Variants in TSPAN33 observed in about 807,000 individuals in gnomAD.
TSPAN33 encodes the protein tetraspanin-33.
TSPAN33 carries 27 observed loss-of-function variants against 34.8 expected under a neutral mutation model. The ratio of observed to expected loss-of-function variants is 0.78; its 90% CI spans 0.57 to 1.07. The LOEUF is 1.07. Among genes scored for constraint, TSPAN33 ranks in the 50% least tolerant of loss-of-function variants. TSPAN33 has a pLI of 0.00. For missense variants in TSPAN33, 272 were observed against 324.9 expected, an observed-to-expected ratio of 0.84 and a Z score of 1.25; for synonymous variants, 119 against 124.2, an observed-to-expected ratio of 0.96 and a Z score of 0.28.
rs183522569 is a variant in TSPAN33 at position 129,152,047 on chromosome 7, G to A, written c.102+6965G>A. Among the ~76,000 whole-genome samples the A allele has an allele frequency of 7.9e-5, 12 of 152,212 alleles. No individual in the cohort carries two copies. The East Asian group carries it at 2.1e-3, about 27-fold the overall frequency. On this transcript the variant is annotated intron_variant, in intron 1 of 7. Coordinates refer to ENST00000486685, the MANE Select transcript of TSPAN33 (RefSeq NM_178562.5). Reference sequence around the variant, plus strand: ...GGGACATTCTGCAAAACAATTGGCCGGAACATGAAAAATGTCAGTGTCCAA... The same window carrying A: ...GGGACATTCTGCAAAACAATTGGCCAGAACATGAAAAATGTCAGTGTCCAA...
chr7:129,155,402 A>G (rs1456497600), intron 1 of TSPAN33, among the ~76,000 whole-genome samples: 1 of 152,272 alleles, frequency 6.6e-6, no homozygotes, highest in African/African-American at 2.4e-5. Context: ...AAAGGCTTCT[A>G]ACACAAATGA....
intron 1 of TSPAN33, among the ~76,000 whole-genome samples, chr7:129,146,767 C>A (rs1187964493): frequency 6.6e-6 from 1 of 152,146 alleles, no homozygotes; most frequent in Non-Finnish European, 1.5e-5. Context: ...GTGTGCCAGG[C>A]CAGTGACGTG....
Position 129,162,875 on chromosome 7 carries a change from G to A in TSPAN33, c.331G>A (p.Ala111Thr), listed in dbSNP as rs112480251. 1.5e-4 allele frequency: 243 copies of A among 1,613,886 alleles called. No homozygotes were observed. The highest frequency in any genetic ancestry group is 6.4e-4 in the African/African-American group (48 of 75,044). Residue 111 changes from alanine (A) to threonine (T), a missense_variant, in exon 4 of 8, where the codon GCT (alanine) becomes ACT (threonine). Transcript: ENST00000486685. ...CGCTGTGTTCCTGCTGCAGCTGGCC[G>A]CTGGGATCCTGGGCTTCGTCTTCTC... Reference protein sequence around the residue: ...LTAVFLLQLAAGILGFVFSDK... With the variant: ...LTAVFLLQLATGILGFVFSDK...
At chr7:129,147,089 C>T (rs573206687) in intron 1 of TSPAN33, among the ~76,000 whole-genome samples, 27 of 152,110 alleles carry the variant, frequency 1.8e-4, no homozygotes, top group African/African-American at 6.3e-4. Context: ...GGTCAGAAGA[C>T]GTGGGTGGCC....
At position 129,167,386 on chromosome 7, in the gene TSPAN33, A is replaced by T. The variant is rs1350359414; in HGVS notation, c.589-13A>T. ...AATTACAGTCCCAATTGGCTTTTCAACTCTTTCCCCAGGCAGTGATCAACA... is the reference window on the plus strand; with the variant it reads ...AATTACAGTCCCAATTGGCTTTTCATCTCTTTCCCCAGGCAGTGATCAACA... On this transcript the variant is annotated splice_polypyrimidine_tract_variant and intron_variant, in intron 6 of 7. Transcript: ENST00000486685. The surrounding 1 kb of genome is among the most constrained non-coding windows in gnomAD (Gnocchi z 4.6). 2.5e-6 allele frequency: 4 copies of T among 1,602,610 alleles called. No individual in the cohort carries two copies. The South Asian group carries it at 4.4e-5, about 18-fold the overall frequency.
chr7:129,151,685 C>G (rs1435299593), intron 1 of TSPAN33, among the ~76,000 whole-genome samples: 1 of 152,028 alleles, frequency 6.6e-6, no homozygotes, highest in African/African-American at 2.4e-5. Flanking sequence ...AAATTTTCTT[C>G]ATTTTCTCCT....
Position 129,167,375 on chromosome 7 carries a change from T to C in TSPAN33, c.589-24T>C, listed in dbSNP as rs762922066. The C allele has an allele frequency of 2.4e-5, 38 of 1,599,880 alleles. No homozygotes were observed. The highest frequency in any genetic ancestry group is 3.0e-5 in the Non-Finnish European group (35 of 1,169,524). ...AAAGTTATTGGAATTACAGTCCCAA[T>C]TGGCTTTTCAACTCTTTCCCCAGGC... On this transcript the variant is annotated intron_variant, in intron 6 of 7. Transcript: ENST00000486685. The surrounding 1 kb of genome is among the most constrained non-coding windows in gnomAD (Gnocchi z 4.6).
At position 129,167,377 on chromosome 7, in the gene TSPAN33, G is replaced by A. The variant is rs373970282; in HGVS notation, c.589-22G>A. 2.1e-5 allele frequency: 33 copies of A among 1,600,202 alleles called. No individual in the cohort carries two copies. The highest frequency in any genetic ancestry group is 2.7e-5 in the Non-Finnish European group (32 of 1,169,692). On this transcript the variant is annotated intron_variant, in intron 6 of 7. Transcript: ENST00000486685. The surrounding 1 kb of genome is among the most constrained non-coding windows in gnomAD (Gnocchi z 4.6). ...AGTTATTGGAATTACAGTCCCAATT[G>A]GCTTTTCAACTCTTTCCCCAGGCAG...
rs933581826 is a variant in TSPAN33, at chr7:129,153,079, A to G, written c.102+7997A>G. Among the ~76,000 whole-genome samples, 191 of 151,438 alleles carry G rather than the reference A, an allele frequency of 1.3e-3. 1 individual carries two copies. Among genetic ancestry groups the G allele is most frequent in the African/African-American group, 4.1e-3 (171 of 41,308 alleles). The stretch of plus-strand genomic sequence containing the variant: ...CGTCTCAAAAAAAAAAAAAAAAAAA[A>G]AAAGAAAAAGAAAAAGAAAACATTC... On this transcript the variant is annotated intron_variant, in intron 1 of 7. Coordinates refer to ENST00000486685, the MANE Select transcript of TSPAN33 (RefSeq NM_178562.5).
chr7:129,163,020 C>A, intron 4 of TSPAN33, 113 bp downstream of exon 4: 3 of 1,023,554 alleles, frequency 2.9e-6, no homozygotes, highest in East Asian at 5.0e-5. Flanking sequence ...TGAGAAACAT[C>A]AGTCGTTGAA....
rs532372742 is a variant in TSPAN33, at chr7:129,165,258, T to TTAAACAC, written c.459+693_459+699dup. ...TTCCTCTCTTGAAACTTTGTATCCA[T>TTAAACAC]TAAACACTAACTCCCCATTTTCCTC... On this transcript the variant is annotated intron_variant, in intron 5 of 7. Transcript: ENST00000486685. The surrounding 1 kb of genome is among the most constrained non-coding windows in gnomAD (Gnocchi z 4.5). Among the ~76,000 whole-genome samples the TTAAACAC allele has an allele frequency of 8.9e-4, 135 of 152,332 alleles. 1 individual carries two copies. Among genetic ancestry groups the TTAAACAC allele is most frequent in the African/African-American group, 2.7e-3 (112 of 41,570 alleles).
intron 1 of TSPAN33, among the ~76,000 whole-genome samples, chr7:129,161,160 C>T (rs1295139220): frequency 6.6e-6 from 1 of 152,224 alleles, no homozygotes; most frequent in South Asian, 2.1e-4. Context: ...TGCAGCCTTG[C>T]ACTCCTGGGC....
At position 129,144,727 on chromosome 7, in the gene TSPAN33, G is replaced by A. The variant is rs1335002089; in HGVS notation, c.-254G>A. ...GTTTCCTGGGCGCCTGGCTGGCCGGGCTGGTCCTGCGGCCGCGGGTGAGTC... is the reference window on the plus strand; with the variant it reads ...GTTTCCTGGGCGCCTGGCTGGCCGGACTGGTCCTGCGGCCGCGGGTGAGTC... On this transcript the variant is annotated 5_prime_UTR_variant, in exon 1 of 8. Transcript: ENST00000486685. Among the ~76,000 whole-genome samples, 21 of 151,966 alleles carry A rather than the reference G, an allele frequency of 1.4e-4. No homozygotes were observed. Among genetic ancestry groups the A allele is most frequent in the African/African-American group, 5.1e-4 (21 of 41,532 alleles).
At chr7:129,152,689 A>C (rs1051279512) in intron 1 of TSPAN33, among the ~76,000 whole-genome samples, 4 of 151,490 alleles carry the variant, frequency 2.6e-5, no homozygotes, top group African/African-American at 9.7e-5. Context: ...TCCATCTCAA[A>C]AAACAAACAA....
intron 1 of TSPAN33, among the ~76,000 whole-genome samples, chr7:129,153,404 C>G (rs1193117017): frequency 6.6e-6 from 1 of 152,164 alleles, no homozygotes; most frequent in Non-Finnish European, 1.5e-5. Context: ...TTTTGTGTCA[C>G]ATGTATTTTA....
Position 129,164,456 on chromosome 7 carries a change from T to C in TSPAN33, c.364-18T>C, listed in dbSNP as rs1793105796. 4 of 1,612,152 alleles carry C rather than the reference T, an allele frequency of 2.5e-6. No homozygotes were observed. The highest frequency in any genetic ancestry group is 2.2e-5 in the East Asian group (1 of 44,876). On this transcript the variant is annotated intron_variant, in intron 4 of 7. Coordinates refer to ENST00000486685, the MANE Select transcript of TSPAN33 (RefSeq NM_178562.5). ...GGATTAGTCCTGTGTTCTGATTCCT[T>C]GCCCATGTCTCCGGCAGGCTCGAGG...
At chr7:129,146,678 C>T (rs1810524255) in intron 1 of TSPAN33, among the ~76,000 whole-genome samples, 1 of 152,162 alleles carries the variant, frequency 6.6e-6, no homozygotes, top group South Asian at 2.1e-4. Flanking sequence ...AATCCCTTAC[C>T]ACTCTACCAG....
chr7:129,146,953 C>T (rs1170204094), intron 1 of TSPAN33, among the ~76,000 whole-genome samples: 2 of 151,156 alleles, frequency 1.3e-5, no homozygotes, highest in Non-Finnish European at 2.9e-5. Flanking sequence ...TTTTTTTTCT[C>T]GAGCTTCCCT....
rs1810492515 is a variant in TSPAN33, at chr7:129,144,770, C to A, written c.-211C>A. 1 of 148,908 alleles carries A rather than the reference C, an allele frequency of 6.7e-6. No homozygotes were observed. Among genetic ancestry groups the A allele is most frequent in the Non-Finnish European group, 1.5e-5 (1 of 67,010 alleles). The allele number at this position is 148,908 out of a possible 1,614,324, so 9.2% of individuals were successfully genotyped here. On this transcript the variant is annotated 5_prime_UTR_variant, in exon 1 of 8. Coordinates refer to ENST00000486685, the MANE Select transcript of TSPAN33 (RefSeq NM_178562.5). ...GGTGAGTCTCGTCCGCTCGCGCTGC[C>A]CACCGCGGCTCCAGCAGCTCCAGGC...
Sources: gnomAD v4.1 joint callset for allele counts (sites outside exome capture counted in the v4.1 genomes callset) on GRCh38, gnomAD v4.1.1 for gene constraint, Gnocchi (gnomAD v3.1) non-coding constraint, MANE v1.5 for transcripts, NCBI Gene and HGNC (gene_info 2026-07-23, HGNC 2026-07-21) for gene names.